The following DLC1 variants were observed in gnomAD, a reference collection of about 807,000 sequenced individuals.
DLC1 encodes DLC1 Rho GTPase activating protein.
A neutral mutation model predicts 140.3 loss-of-function variants in DLC1; 54 were observed. The ratio of observed to expected loss-of-function variants is 0.38; its 90% CI spans 0.31 to 0.48. The LOEUF (loss-of-function observed/expected upper bound fraction) is 0.48, where lower values mean the gene tolerates loss of function less well. DLC1 is among the 20% of genes least tolerant of loss of function. The probability of loss-of-function intolerance (pLI) is 0.96; values close to 1 mark genes in which losing one functional copy is unlikely to be tolerated. For synonymous variants in DLC1, 986 were observed against 728.1 expected (o/e 1.35, Z -5.70); for missense variants, 2,536 against 1,907.0 (o/e 1.33, Z -6.14).
chr8:13,443,759 TC>T (rs913178640), intron 2 of DLC1, among the ~76,000 whole-genome samples: 13 of 152,112 alleles, frequency 8.5e-5, no homozygotes, highest in Admixed American at 3.9e-4. Context: ...TACAATACTT[TC>T]CCCAGGCTTT....
At chr8:13,157,080 C>T (rs754077782) in intron 5 of DLC1, among the ~76,000 whole-genome samples, 13 of 152,210 alleles carry the variant, frequency 8.5e-5, no homozygotes, top group Non-Finnish European at 1.6e-4. Context: ...GGAACTTTGT[C>T]ATGCGTGTCA....
chr8:13,270,089 C>T (rs1316433646), intron 5 of DLC1, among the ~76,000 whole-genome samples: 1 of 151,500 alleles, frequency 6.6e-6, no homozygotes, highest in African/African-American at 2.4e-5. Flanking sequence ...AAAAAACTTT[C>T]AAGTTTAACT....
chr8:13,235,886 C>T (rs1313383100), intron 5 of DLC1, among the ~76,000 whole-genome samples: 2 of 151,798 alleles, frequency 1.3e-5, no homozygotes, highest in Non-Finnish European at 2.9e-5. Context: ...TAGCTGACAT[C>T]TATTTTCAGA....
intron 5 of DLC1, among the ~76,000 whole-genome samples, chr8:13,181,634 G>A (rs545424877): frequency 3.7e-4 from 57 of 152,078 alleles, no homozygotes; most frequent in African/African-American, 1.3e-3. Context: ...ATGGTTTACA[G>A]CTTCATCCAT....
chr8:13,241,500 G>T (rs963399750), intron 5 of DLC1, among the ~76,000 whole-genome samples: 1 of 152,058 alleles, frequency 6.6e-6, no homozygotes, highest in Non-Finnish European at 1.5e-5. Flanking sequence ...TTCTAGGTCA[G>T]GTTCAAAGGT....
intron 4 of DLC1, among the ~76,000 whole-genome samples, chr8:13,325,800 T>C (rs1420662548): frequency 6.6e-6 from 1 of 152,228 alleles, no homozygotes; most frequent in Non-Finnish European, 1.5e-5. Flanking sequence ...CATGTAGCGC[T>C]TTATGTTTAT....
At chr8:13,417,328 T>C (rs370730428) in intron 2 of DLC1, among the ~76,000 whole-genome samples, 2 of 151,930 alleles carry the variant, frequency 1.3e-5, no homozygotes, top group South Asian at 2.1e-4. Context: ...CATTTAGCAT[T>C]AGGTATATCT....
chr8:13,424,974 A>C (rs1387012319), intron 2 of DLC1, among the ~76,000 whole-genome samples: 2 of 152,214 alleles, frequency 1.3e-5, no homozygotes, highest in Admixed American at 6.5e-5. Flanking sequence ...GATCATATGC[A>C]TTTATTGCTA....
At chr8:13,343,300 G>C (rs1342061549) in intron 4 of DLC1, among the ~76,000 whole-genome samples, 1 of 152,200 alleles carries the variant, frequency 6.6e-6, no homozygotes, top group Non-Finnish European at 1.5e-5. Context: ...TGAGCAGAAA[G>C]TGATGGCTCA....
At chr8:13,538,361 C>T (rs1040596470) in intron 1 of DLC1, among the ~76,000 whole-genome samples, 5 of 147,620 alleles carry the variant, frequency 3.4e-5, no homozygotes, top group African/African-American at 7.9e-5. Context: ...GGTGCCAGCA[C>T]TGAGTATAAA....
At chr8:13,416,321 A>T (rs149161614) in intron 2 of DLC1, among the ~76,000 whole-genome samples, 2 of 152,306 alleles carry the variant, frequency 1.3e-5, no homozygotes, top group African/African-American at 4.8e-5. Flanking sequence ...AATCTCCATA[A>T]CCTAATACTG....
intron 2 of DLC1, among the ~76,000 whole-genome samples, chr8:13,437,504 G>A (rs1839177287): frequency 6.6e-6 from 1 of 152,082 alleles, no homozygotes. Flanking sequence ...TAAGTAATAA[G>A]GTCTCCTTTC....
At position 13,318,708 on chromosome 8, in the gene DLC1, T is replaced by C. The variant is rs549310447; in HGVS notation, c.1315-13406A>G. Reference sequence around the variant, plus strand: ...AATTGAACACTGATCATCCTTGAGATGCCTAATGATTAATCTTAAGGGAGC... The same window carrying C: ...AATTGAACACTGATCATCCTTGAGACGCCTAATGATTAATCTTAAGGGAGC... On this transcript the variant is annotated intron_variant, in intron 4 of 17. Transcript: ENST00000276297. Among the ~76,000 whole-genome samples, 10 of 152,338 alleles carry C rather than the reference T, an allele frequency of 6.6e-5. No homozygotes were observed. In the East Asian group the frequency reaches 1.9e-3, roughly 29 times the overall value.
chr8:13,459,082 A>G (rs555264541), intron 2 of DLC1, among the ~76,000 whole-genome samples: 8 of 152,352 alleles, frequency 5.3e-5, no homozygotes, highest in East Asian at 1.9e-4. Context: ...TGATTTTTAA[A>G]TAACCTAATG....
intron 4 of DLC1, among the ~76,000 whole-genome samples, chr8:13,324,766 A>G (rs1833270282): frequency 6.6e-6 from 1 of 152,186 alleles, no homozygotes; most frequent in Admixed American, 6.5e-5. Flanking sequence ...AAGCAGTTGC[A>G]GAGTCTTTAC....
intron 4 of DLC1, among the ~76,000 whole-genome samples, chr8:13,386,548 T>C (rs540013959): frequency 2.0e-5 from 3 of 152,222 alleles, no homozygotes; most frequent in East Asian, 3.9e-4. Context: ...AGTTAACATG[T>C]AAATGGATTG....
intron 2 of DLC1, among the ~76,000 whole-genome samples, chr8:13,438,859 A>G (rs1839237732): frequency 6.6e-6 from 1 of 152,178 alleles, no homozygotes; most frequent in South Asian, 2.1e-4. Flanking sequence ...ATCCTTTGCA[A>G]ACCAGGGGTC....
intron 5 of DLC1, among the ~76,000 whole-genome samples, chr8:13,203,751 G>A (rs147245281): frequency 6.6e-6 from 1 of 152,210 alleles, no homozygotes; most frequent in East Asian, 1.9e-4. Flanking sequence ...CTTTAAAATA[G>A]CTTTGTGATA....
chr8:13,595,966 TCTC>T (rs1805667535), intron 1 of DLC1, among the ~76,000 whole-genome samples: 2 of 151,964 alleles, frequency 1.3e-5, no homozygotes, highest in African/African-American at 2.4e-5. Context: ...TATTAGGAAA[TCTC>T]CTCCTTTCAT....
Sources: allele counts gnomAD v4.1 joint callset (sites outside exome capture counted in the v4.1 genomes callset), GRCh38; gene constraint gnomAD v4.1.1; transcripts MANE v1.5; gene names NCBI Gene and HGNC (gene_info 2026-07-23, HGNC 2026-07-21).